KLF13: variants seen among roughly 807,000 people sequenced by gnomAD.
The protein encoded by KLF13 is Krueppel-like factor 13.
KLF13 carries 8 observed loss-of-function variants against 16.7 expected under a neutral mutation model. The ratio of observed to expected loss-of-function variants is 0.48; its 90% CI spans 0.28 to 0.87. KLF13 has a LOEUF of 0.87. Among genes scored for constraint, KLF13 ranks in the 40% least tolerant of loss-of-function variants. KLF13 has a pLI of 0.10. For missense variants in KLF13, 447 were observed against 452.2 expected (o/e 0.99, Z 0.10); for synonymous variants, 245 against 208.4 (o/e 1.18, Z -1.51).
intron 1 of KLF13, among the ~76,000 whole-genome samples, chr15:31,424,725 G>A (rs1595514954): frequency 6.6e-6 from 1 of 152,242 alleles, no homozygotes; most frequent in Non-Finnish European, 1.5e-5. Context: ...AGGCAAAGAT[G>A]CCCATTCTTG....
rs1856540145 is a variant in KLF13, at chr15:31,327,084, C to T, written c.-129C>T. On this transcript the variant is annotated 5_prime_UTR_variant, in exon 1 of 2. Coordinates refer to ENST00000307145, the MANE Select transcript of KLF13 (RefSeq NM_015995.4). Reference sequence around the variant, plus strand: ...GGCACAGGCGGCTGCGCGCCCAGCCCAGCCCAGCCCAGCCCGAGGAGAGGG... The same window carrying T: ...GGCACAGGCGGCTGCGCGCCCAGCCTAGCCCAGCCCAGCCCGAGGAGAGGG... 1.2e-6 allele frequency: 1 copy of T among 829,294 alleles called. No individual in the cohort carries two copies. Among genetic ancestry groups the T allele is most frequent in the Non-Finnish European group, 1.5e-6 (1 of 653,600 alleles). 51.4% of individuals were successfully genotyped at this position (829,294 alleles called of 1,614,324 possible). A position where few individuals can be genotyped will look rare whatever the true frequency, so the allele number is the denominator to read the frequency against.
At chr15:31,391,730 T>G (rs952086682), upstream of KLF13, among the ~76,000 whole-genome samples, 118 of 150,218 alleles carry the variant, frequency 7.9e-4, no homozygotes, top group African/African-American at 2.2e-3. Flanking sequence ...GGGGGCTGTG[T>G]GGGGCTGTGT....
chr15:31,432,291 C>T (rs77599412), intron 1 of KLF13, among the ~76,000 whole-genome samples: 2,250 of 152,168 alleles, frequency 0.015, 25 homozygotes, highest in Middle Eastern at 0.031. Context: ...CCTATCTAGA[C>T]ATGGCCTCTG....
At chr15:31,370,444 A>G (rs1285400984) in intron 1 of KLF13, among the ~76,000 whole-genome samples, 5 of 148,736 alleles carry the variant, frequency 3.4e-5, no homozygotes, top group Non-Finnish European at 7.4e-5. Context: ...TTTGAGACAG[A>G]CCCTTGCTCT....
intron 1 of KLF13, among the ~76,000 whole-genome samples, chr15:31,365,826 C>A (rs554780105): frequency 6.6e-6 from 1 of 152,124 alleles, no homozygotes; most frequent in African/African-American, 2.4e-5. Context: ...GAGGGGAGGG[C>A]CTGGGACTTG....
chr15:31,403,434 G>A (rs979695227), exon 3 of KLF13: 12 of 152,218 alleles, frequency 7.9e-5, no homozygotes, highest in Admixed American at 1.3e-4. Context: ...TTAGCTCAGC[G>A]TGTGGCTACC....
chr15:31,353,867 G>A (rs1006114177), intron 1 of KLF13, among the ~76,000 whole-genome samples: 1 of 152,178 alleles, frequency 6.6e-6, no homozygotes, highest in African/African-American at 2.4e-5. Context: ...CAGAGGAGAA[G>A]AGGACTTCAC....
chr15:31,433,147 T>A (rs2040492539), intron 1 of KLF13, among the ~76,000 whole-genome samples: 2 of 152,196 alleles, frequency 1.3e-5, no homozygotes, highest in Admixed American at 1.3e-4. Context: ...CTTGCTTTTA[T>A]GATTTGTTAG....
At chr15:31,403,451 A>T (rs548328176) in exon 3 of KLF13, 13 of 152,344 alleles carry the variant, frequency 8.5e-5, no homozygotes, top group Admixed American at 8.5e-4. Flanking sequence ...TACCTGGACC[A>T]ATTCTGTCTG....
rs574895026 is a variant in KLF13 at position 31,327,836 on chromosome 15, G to A, written c.577+47G>A. The A allele has an allele frequency of 7.6e-4, 1,039 of 1,369,874 alleles. 2 individuals carry two copies. In the African/African-American group the frequency reaches 0.012, roughly 16 times the overall value. 84.9% of individuals were successfully genotyped at this position (1,369,874 alleles called of 1,614,324 possible). Reference sequence around the variant, plus strand: ...CCCGGATCGCGCGGACGGGGTCGGCGCGAGCTGCCCGACCACGCCCCCGGA... The same window carrying A: ...CCCGGATCGCGCGGACGGGGTCGGCACGAGCTGCCCGACCACGCCCCCGGA... On this transcript the variant is annotated intron_variant, in intron 1 of 1. Transcript: ENST00000307145.
chr15:31,351,782 T>G (rs1426487139), intron 1 of KLF13, among the ~76,000 whole-genome samples: 1 of 122,192 alleles, frequency 8.2e-6, no homozygotes, highest in East Asian at 2.9e-4. Context: ...GAGGCTGAGG[T>G]GGGCAGATCT....
intron 1 of KLF13, among the ~76,000 whole-genome samples, chr15:31,413,709 C>G (rs950302791): frequency 6.6e-6 from 1 of 152,120 alleles, no homozygotes; most frequent in African/African-American, 2.4e-5. Flanking sequence ...TGCTATTAGG[C>G]CTGCCTTCAA....
At chr15:31,356,627 G>A (rs1236800195) in intron 1 of KLF13, among the ~76,000 whole-genome samples, 2 of 152,224 alleles carry the variant, frequency 1.3e-5, no homozygotes, top group Non-Finnish European at 2.9e-5. Flanking sequence ...GGAGGCCATT[G>A]TTTTAAGGCT....
At chr15:31,335,409 T>C (rs2038910684) in intron 1 of KLF13, among the ~76,000 whole-genome samples, 2 of 144,732 alleles carry the variant, frequency 1.4e-5, no homozygotes, top group Admixed American at 7.2e-5. Context: ...GATCGCCATT[T>C]GCTGTTGGGC....
intron 1 of KLF13, among the ~76,000 whole-genome samples, chr15:31,383,585 TAAAAG>T (rs2039754563): frequency 6.6e-6 from 1 of 152,234 alleles, no homozygotes. Context: ...AGAACAACAT[TAAAAG>T]AAAGTTATCT....
chr15:31,409,681 G>A (rs563546211), downstream of KLF13, among the ~76,000 whole-genome samples: 1 of 152,258 alleles, frequency 6.6e-6, no homozygotes, highest in African/African-American at 2.4e-5. Context: ...GAGAATTGCA[G>A]TGCACTTCAC....
At chr15:31,398,779 C>T (rs975393805) in intron 2 of KLF13, among the ~76,000 whole-genome samples, 1 of 152,236 alleles carries the variant, frequency 6.6e-6, no homozygotes, top group Non-Finnish European at 1.5e-5. Context: ...GCACGGTGCC[C>T]TCCTCCCTCT....
At chr15:31,417,258 G>A (rs1275366150) in intron 1 of KLF13, among the ~76,000 whole-genome samples, 1 of 152,076 alleles carries the variant, frequency 6.6e-6, no homozygotes, top group African/African-American at 2.4e-5. Flanking sequence ...ACTTTGGGAG[G>A]CCGAGATGGG....
intron 1 of KLF13, among the ~76,000 whole-genome samples, chr15:31,383,881 A>G (rs183329763): frequency 0.017 from 2,582 of 152,090 alleles, 35 homozygotes; most frequent in Non-Finnish European, 0.027. Context: ...CAGCCTGGGC[A>G]ACAGAGCGAG....
Sources: gnomAD v4.1 joint callset for allele counts (sites outside exome capture counted in the v4.1 genomes callset) on GRCh38, gnomAD v4.1.1 for gene constraint, MANE v1.5 for transcripts, NCBI Gene and HGNC (gene_info 2026-07-23, HGNC 2026-07-21) for gene names.